The following NAE1 variants were observed in gnomAD, a reference collection of about 807,000 sequenced individuals.
NAE1 encodes NEDD8-activating enzyme E1 regulatory subunit.
In NAE1, 59 loss-of-function variants were observed where a neutral mutation model predicts 88.0. The ratio of observed to expected loss-of-function variants is 0.67; its 90% CI spans 0.54 to 0.83. The LOEUF (loss-of-function observed/expected upper bound fraction) is 0.83. Ranked by LOEUF, NAE1 falls within the 40% of genes least tolerant of loss-of-function variation. The pLI is 0.00. For synonymous variants in NAE1, 186 were observed against 208.9 expected (o/e 0.89, Z 0.95); for missense variants, 554 against 632.8 (o/e 0.88, Z 1.34).
At chr16:66,822,380 G>C (rs1430513727) in intron 6 of NAE1, among the ~76,000 whole-genome samples, 2 of 152,068 alleles carry the variant, frequency 1.3e-5, no homozygotes, top group Non-Finnish European at 2.9e-5. Flanking sequence ...AGATCAGCCT[G>C]GCCAACATGG....
rs1251424236 is a variant in NAE1, at chr16:66,813,795, T to C, written c.892A>G (p.Thr298Ala). The part of the protein sequence containing the change: ...IFNDDRCINI[T>A]KQTPSFWILA... ...ACTTTTGTTGTTGTTACCTGTTTGG[T>C]GATATTTATGCAGCGATCATCATTA... is the stretch of plus-strand genomic sequence containing the variant. The change falls in exon 12 of 20, where the codon ACC becomes GCC. Residue 298 changes from threonine (T) to alanine (A), a missense_variant. Thr to Ala is a moderately conservative substitution (Grantham distance 58). Coordinates refer to ENST00000290810, the MANE Select transcript of NAE1 (RefSeq NM_003905.4). 17 of 1,613,872 alleles carry C rather than the reference T, an allele frequency of 1.1e-5. No homozygotes were observed. Among genetic ancestry groups the C allele is most frequent in the Non-Finnish European group, 1.4e-5 (17 of 1,179,886 alleles).
intron 3 of NAE1, chr16:66,826,286 C>T (rs543908539): frequency 2.0e-5 from 10 of 509,536 alleles, no homozygotes; most frequent in East Asian, 1.4e-4. Flanking sequence ...AAAGGAATAA[C>T]GACTACTCCT....
intron 7 of NAE1, among the ~76,000 whole-genome samples, chr16:66,818,900 G>C (rs2145336608): frequency 6.6e-6 from 1 of 152,196 alleles, no homozygotes; most frequent in Middle Eastern, 3.4e-3. Flanking sequence ...CTGGATTCAA[G>C]GGCTCCTCCT....
Position 66,824,853 on chromosome 16 carries a change from A to C in NAE1, c.249+2T>G. On this transcript the variant is annotated splice_donor_variant, in intron 4 of 19. Transcript: ENST00000290810. LOFTEE classifies it high-confidence loss of function. ...ATCCAACTATATTCTCTAATTGTTTACCTTGCCGATACTGCTTCTTTGAAG... is the reference window on the plus strand; with the variant it reads ...ATCCAACTATATTCTCTAATTGTTTCCCTTGCCGATACTGCTTCTTTGAAG... 1 of 1,609,628 alleles carries C rather than the reference A, an allele frequency of 6.2e-7. No individual in the cohort carries two copies. Among genetic ancestry groups the C allele is most frequent in the Non-Finnish European group, 8.5e-7 (1 of 1,177,182 alleles).
At chr16:66,808,810 ACATT>A (rs1203878016) in intron 16 of NAE1, 175 bp downstream of exon 16, 2 of 601,942 alleles carry the variant, frequency 3.3e-6, no homozygotes, top group Non-Finnish European at 5.6e-6. Context: ...CTTTATGCAT[ACATT>A]AAGTTTCATA....
rs1428243803 is a variant in NAE1 at position 66,810,366 on chromosome 16, G to T, written c.1150+8C>A. The T allele has an allele frequency of 6.3e-7, 1 of 1,583,418 alleles. No homozygotes were observed. On this transcript the variant is annotated splice_region_variant and intron_variant, in intron 15 of 19. Coordinates refer to ENST00000290810, the MANE Select transcript of NAE1 (RefSeq NM_003905.4). Reference sequence around the variant, plus strand: ...GCAAAATAAGGAAATTAATTCAAGGGGACTTACAGAGTAATTTTAATTCTT... The same window carrying T: ...GCAAAATAAGGAAATTAATTCAAGGTGACTTACAGAGTAATTTTAATTCTT...
intron 1 of NAE1, among the ~76,000 whole-genome samples, chr16:66,828,475 A>T (rs1960554233): frequency 6.7e-6 from 1 of 149,130 alleles, no homozygotes; most frequent in African/African-American, 2.5e-5. Context: ...TGCGCAACAC[A>T]GTGAGACTCC....
rs1960479877 is a variant in NAE1 at position 66,826,772 on chromosome 16, C to T, written c.62G>A (p.Gly21Asp). ...QKYDRQLRLW[G>D]DHGQEALESA... ...TTCTAAAGCCTCTTGCCCATGATCA[C>T]CCCACAACCTACAAAACAGACACAA... Residue 21 changes from glycine (G) to aspartate (D), a missense_variant, in exon 2 of 20, where the codon GGT becomes GAT. Gly to Asp is a moderately conservative substitution (Grantham distance 94). Transcript: ENST00000290810. The T allele has an allele frequency of 6.3e-7, 1 of 1,599,786 alleles. No individual in the cohort carries two copies. The highest frequency in any genetic ancestry group is 1.1e-5 in the South Asian group (1 of 88,124).
intron 13 of NAE1, 133 bp downstream of exon 13, chr16:66,813,431 G>C (rs2145324976): frequency 8.9e-7 from 1 of 1,120,012 alleles, no homozygotes; most frequent in African/African-American, 1.6e-5. Context: ...ATGAGCCACT[G>C]CAGCTGGCCT....
chr16:66,823,149 T>A, intron 6 of NAE1, 78 bp downstream of exon 6: 1 of 741,424 alleles, frequency 1.3e-6, no homozygotes, highest in Non-Finnish European at 2.1e-6. Context: ...AACCATATCA[T>A]CATAGACTGT....
chr16:66,823,666 T>C (rs897659852), intron 4 of NAE1, 66 bp from the exon 5 acceptor site: 5 of 1,269,770 alleles, frequency 3.9e-6, no homozygotes, highest in Non-Finnish European at 5.5e-6. Flanking sequence ...TCCCCCAATT[T>C]ATGGAACAGG....
At chr16:66,804,851 G>A (rs1959500500) in intron 19 of NAE1, among the ~76,000 whole-genome samples, 1 of 151,820 alleles carries the variant, frequency 6.6e-6, no homozygotes, top group Non-Finnish European at 1.5e-5. Flanking sequence ...AGAGAGAGCT[G>A]CCTATGAACC....
chr16:66,818,004 G>C (rs1237330412), intron 8 of NAE1, among the ~76,000 whole-genome samples: 2 of 151,978 alleles, frequency 1.3e-5, no homozygotes, highest in African/African-American at 4.8e-5. Context: ...ATATATTTAT[G>C]GGGTACATGC....
At chr16:66,806,799 A>G (rs1418349219) in intron 17 of NAE1, among the ~76,000 whole-genome samples, 1 of 152,220 alleles carries the variant, frequency 6.6e-6, no homozygotes, top group Non-Finnish European at 1.5e-5. Context: ...TGAATCCTCA[A>G]AACAGTCCTA....
chr16:66,812,283 A>T (rs926871421), intron 13 of NAE1, among the ~76,000 whole-genome samples: 2 of 151,974 alleles, frequency 1.3e-5, no homozygotes, highest in African/African-American at 4.8e-5. Context: ...TAGTTTCTTC[A>T]TGTGTAAAAT....
chr16:66,830,469 C>A (rs1305296047), intron 1 of NAE1, among the ~76,000 whole-genome samples: 1 of 152,234 alleles, frequency 6.6e-6, no homozygotes, highest in Non-Finnish European at 1.5e-5. Context: ...TTCCATTGGA[C>A]AGCGCTGGCT....
intron 8 of NAE1, among the ~76,000 whole-genome samples, 169 bp downstream of exon 8, chr16:66,818,359 G>A (rs929662752): frequency 6.6e-6 from 1 of 151,972 alleles, no homozygotes; most frequent in Non-Finnish European, 1.5e-5. Context: ...TTTAATTTTG[G>A]AGAAAAATTA....
intron 19 of NAE1, among the ~76,000 whole-genome samples, chr16:66,804,108 A>G (rs1959465418): frequency 6.6e-6 from 1 of 152,142 alleles, no homozygotes; most frequent in Admixed American, 6.6e-5. Context: ...AATACAAGAG[A>G]AGGGGTTTGT....
rs866764469 is a variant in NAE1 at position 66,817,470 on chromosome 16, T to G, written c.639A>C (p.Pro213=). ...HMEKKDHSHT[P]WIVIIAKYLA... ...AATATTTAGCTATGATCACAATCCA[T>G]GGAGTATGACTGTGGTCCTAAAAAT... The change falls in exon 9 of 20, where the codon CCA becomes CCC. Residue 213 remains proline, a synonymous_variant. Coordinates refer to ENST00000290810, the MANE Select transcript of NAE1 (RefSeq NM_003905.4). 1.3e-6 allele frequency: 2 copies of G among 1,598,832 alleles called. No homozygotes were observed. The highest frequency in any genetic ancestry group is 3.3e-4 in the Middle Eastern group (2 of 5,998).
Sources: gnomAD v4.1 joint callset for allele counts (sites outside exome capture counted in the v4.1 genomes callset) on GRCh38, gnomAD v4.1.1 for gene constraint, MANE v1.5 for transcripts, NCBI Gene and HGNC (gene_info 2026-07-23, HGNC 2026-07-21) for gene names.